The following ATP5PD variants were observed in gnomAD, a reference collection of about 807,000 sequenced individuals.
ATP5PD encodes the protein ATP synthase peripheral stalk subunit d.
A neutral mutation model predicts 22.6 loss-of-function variants in ATP5PD; 13 were observed. The ratio of observed to expected loss-of-function variants is 0.58; its 90% CI spans 0.37 to 0.91. The LOEUF is 0.91. Ranked by LOEUF, ATP5PD falls within the 40% of genes least tolerant of loss-of-function variation. The pLI, the probability that ATP5PD is intolerant of heterozygous loss-of-function variation, is 0.00. For missense variants in ATP5PD, 165 were observed against 188.0 expected (o/e 0.88, Z 0.72); for synonymous variants, 51 against 65.0 (o/e 0.79, Z 1.03).
intron 3 of ATP5PD, 158 bp downstream of exon 3, chr17:75,042,023 T>C (rs2073166431): frequency 1.6e-6 from 1 of 612,816 alleles, no homozygotes; most frequent in Middle Eastern, 4.4e-4. Context: ...CCTGCACCTA[T>C]TTACAGTTCA....
chr17:75,040,483 C>G, intron 3 of ATP5PD: 1 of 350,392 alleles, frequency 2.9e-6, no homozygotes, highest in Non-Finnish European at 5.3e-6. Context: ...CAAAAAATGG[C>G]CTCTTAGCAC....
At chr17:75,046,458 A>G (rs2073217630) in intron 1 of ATP5PD, among the ~76,000 whole-genome samples, 1 of 152,192 alleles carries the variant, frequency 6.6e-6, no homozygotes, top group Non-Finnish European at 1.5e-5. Context: ...GGAGGTGCTC[A>G]ATGAATCTTT....
At chr17:75,040,065 G>C in intron 4 of ATP5PD, 27 bp downstream of exon 4, 1 of 1,612,396 alleles carries the variant, frequency 6.2e-7, no homozygotes, top group Non-Finnish European at 8.5e-7. Flanking sequence ...GAGAATTTTA[G>C]AATAAGCAGG....
At position 75,039,053 on chromosome 17, in the gene ATP5PD, ATCT is replaced by A; in HGVS notation, c.362_364del (p.Lys121del). ...CTGATCAAATGGAATTAAGTTCTTC[ATCT>A]TCTCCATCTGGAAAGAGGGGGAATG... On this transcript the variant is annotated inframe_deletion, in exon 6 of 6. Transcript: ENST00000301587. 6.2e-7 allele frequency: 1 copy of A among 1,613,998 alleles called. No homozygotes were observed. Among genetic ancestry groups the A allele is most frequent in the Non-Finnish European group, 8.5e-7 (1 of 1,179,982 alleles).
chr17:75,039,101 G>C (rs747024163), intron 5 of ATP5PD, 38 bp from the exon 6 acceptor site: 4 of 1,612,746 alleles, frequency 2.5e-6, no homozygotes, highest in Admixed American at 1.7e-5. Context: ...AATGTAAACA[G>C]AGACGGAAAG....
At chr17:75,041,427 T>C (rs1439258223) in intron 3 of ATP5PD, 1 of 128,892 alleles carries the variant, frequency 7.8e-6, no homozygotes. Context: ...CTGAGCAATA[T>C]GACAAAAACC....
At chr17:75,043,593 C>T (rs533479423) in intron 1 of ATP5PD, among the ~76,000 whole-genome samples, 1 of 140,368 alleles carries the variant, frequency 7.1e-6, no homozygotes, top group Admixed American at 7.5e-5. Flanking sequence ...AGCCTGGACA[C>T]AGAGTGAGAC....
rs749104132 is a variant in ATP5PD, at chr17:75,040,177, G to A, written c.220-14C>T. On this transcript the variant is annotated splice_polypyrimidine_tract_variant and intron_variant, in intron 3 of 5. Transcript: ENST00000301587. ...CAGCGCATTAAACTACAAACACAAG[G>A]GCACGGGAACCTTCAGCGCATTAAA... 16 of 1,611,798 alleles carry A rather than the reference G, an allele frequency of 9.9e-6. No homozygotes were observed. The highest frequency in any genetic ancestry group is 1.3e-5 in the Non-Finnish European group (15 of 1,179,964).
chr17:75,039,498 C>T, intron 4 of ATP5PD: 1 of 527,728 alleles, frequency 1.9e-6, no homozygotes, highest in Non-Finnish European at 3.4e-6. Flanking sequence ...CACCCGGCTG[C>T]TTCTGCAAGT....
Position 75,040,161 on chromosome 17 carries a change from A to C in ATP5PD, c.222T>G (p.Phe74Leu). ...AGLVDDFEKK[F>L]NALKVPVPED... is the part of the protein sequence containing the mutation. Reference sequence around the variant, plus strand: ...CTGGCACGGGAACCTTCAGCGCATTAAACTACAAACACAAGGGCACGGGAA... The same window carrying C: ...CTGGCACGGGAACCTTCAGCGCATTCAACTACAAACACAAGGGCACGGGAA... The change falls in exon 4 of 6, where the codon TTT (phenylalanine) becomes TTG (leucine). Residue 74 changes from phenylalanine to leucine, a missense_variant and splice_region_variant. Physicochemically the swap from Phe to Leu is conservative, Grantham distance 22 (BLOSUM62 0). Transcript: ENST00000301587. 2 of 1,611,560 alleles carry C rather than the reference A, an allele frequency of 1.2e-6. No homozygotes were observed. The highest frequency in any genetic ancestry group is 1.7e-6 in the Non-Finnish European group (2 of 1,179,610).
chr17:75,042,142 A>G (rs778434521), intron 3 of ATP5PD, 39 bp downstream of exon 3: 44 of 1,548,688 alleles, frequency 2.8e-5, no homozygotes, highest in Non-Finnish European at 3.6e-5. Flanking sequence ...ACCCACAGGC[A>G]TGTTACAAGC....
chr17:75,042,722 T>G (rs1434747006), intron 1 of ATP5PD, 63 bp from the exon 2 acceptor site: 16 of 1,483,970 alleles, frequency 1.1e-5, no homozygotes, highest in Non-Finnish European at 1.5e-5. Flanking sequence ...TTGGGAAAAA[T>G]GATAAATAAC....
intron 1 of ATP5PD, among the ~76,000 whole-genome samples, chr17:75,043,617 A>G (rs2073182737): frequency 6.6e-6 from 1 of 151,898 alleles, no homozygotes; most frequent in Middle Eastern, 3.4e-3. Context: ...GTCTCAAAAA[A>G]AAAAAAAAAA....
At chr17:75,046,438 C>T (rs1246315376) in intron 1 of ATP5PD, among the ~76,000 whole-genome samples, 1 of 152,204 alleles carries the variant, frequency 6.6e-6, no homozygotes, top group African/African-American at 2.4e-5. Flanking sequence ...TAGAACAGAT[C>T]ATGCGCATAG....
intron 1 of ATP5PD, 100 bp from the exon 2 acceptor site, chr17:75,042,759 T>C: frequency 8.1e-7 from 1 of 1,240,144 alleles, no homozygotes; most frequent in Non-Finnish European, 1.1e-6. Context: ...GAGAGAATCC[T>C]TTAAATCTTA....
At chr17:75,039,166 G>A (rs970754606) in intron 5 of ATP5PD, 43 bp downstream of exon 5, 1 of 1,612,824 alleles carries the variant, frequency 6.2e-7, no homozygotes, top group East Asian at 2.2e-5. Flanking sequence ...GGTCATGAAA[G>A]AGAGAACCCA....
At chr17:75,039,986 T>C in intron 4 of ATP5PD, 106 bp downstream of exon 4, 1 of 1,171,104 alleles carries the variant, frequency 8.5e-7, no homozygotes, top group Non-Finnish European at 1.2e-6. Context: ...TTCCTTTATA[T>C]GGCTGTTAAC....
chr17:75,042,150 A>G lies in ATP5PD; in HGVS notation c.219+31T>C, dbSNP rs751878822. The G allele has an allele frequency of 8.0e-5, 126 of 1,581,428 alleles. No individual in the cohort carries two copies. The South Asian group carries it at 1.3e-3, about 16-fold the overall frequency. On this transcript the variant is annotated intron_variant, in intron 3 of 5. Coordinates refer to ENST00000301587, the MANE Select transcript of ATP5PD (RefSeq NM_006356.3). ...GCTCCCTACCCACAGGCATGTTACA[A>G]GCTCAGTGCTTTAGAGGTGTGAAGT...
At chr17:75,039,725 G>T in intron 4 of ATP5PD, 1 of 269,536 alleles carries the variant, frequency 3.7e-6, no homozygotes, top group Non-Finnish European at 7.1e-6. Context: ...CTTTGTTGAG[G>T]TATATCTGAA....
Sources: allele counts gnomAD v4.1 joint callset (sites outside exome capture counted in the v4.1 genomes callset), GRCh38; gene constraint gnomAD v4.1.1; transcripts MANE v1.5; gene names NCBI Gene and HGNC (gene_info 2026-07-23, HGNC 2026-07-21).